The following ZC3H3 variants were observed in gnomAD, a reference collection of about 807,000 sequenced individuals.
ZC3H3 encodes the protein zinc finger CCCH-type containing 3, also known as zinc finger CCCH domain-containing protein 3.
Under a neutral mutation model 77.3 loss-of-function variants are expected in ZC3H3, and 36 were observed. The observed-to-expected ratio is 0.47, with a 90% CI of 0.36 to 0.61. The LOEUF is 0.61. ZC3H3 is among the 20% of genes least tolerant of loss of function. The pLI is 0.00. For missense variants in ZC3H3, 1,331 were observed against 1,312.2 expected, an observed-to-expected ratio of 1.01 and a Z score of -0.22; for synonymous variants, 626 against 555.2, an observed-to-expected ratio of 1.13 and a Z score of -1.79.
chr8:143,475,525 G>A lies in ZC3H3; in HGVS notation c.1776C>T (p.Gly592=). ...VASGGGKAQP[G]SPWWRSKGYR... ...AGCCTTTGCTCCGCCACCAAGGGGAGCCCGGTTGGGCTTTCCCACCCCCGC... is the reference window on the plus strand; with the variant it reads ...AGCCTTTGCTCCGCCACCAAGGGGAACCCGGTTGGGCTTTCCCACCCCCGC... Residue 592 remains glycine, a synonymous_variant, in exon 5 of 12, where the codon GGC becomes GGT. Transcript: ENST00000262577. 1 of 1,611,534 alleles carries A rather than the reference G, an allele frequency of 6.2e-7. No homozygotes were observed. The highest frequency in any genetic ancestry group is 8.5e-7 in the Non-Finnish European group (1 of 1,179,394).
At chr8:143,500,425 GCTGAGCAGAGCATCTGCACACTGC>G (rs1821490233) in intron 4 of ZC3H3, among the ~76,000 whole-genome samples, 1 of 152,262 alleles carries the variant, frequency 6.6e-6, no homozygotes. Context: ...CCTGGGGCTG[GCTGAGCAGAGCATCTGCACACTGC>G]CAGGATGAGG....
chr8:143,484,479 A>G (rs1820995990), intron 4 of ZC3H3: 1 of 155,996 alleles, frequency 6.4e-6, no homozygotes, highest in African/African-American at 2.4e-5. Context: ...CTAATAAACA[A>G]CAAGATGGAA....
chr8:143,497,448 G>A (rs1437562242), intron 4 of ZC3H3, among the ~76,000 whole-genome samples: 5 of 152,192 alleles, frequency 3.3e-5, no homozygotes. Flanking sequence ...AGCCAGGGGG[G>A]CAGCCTGGGG....
intron 4 of ZC3H3, among the ~76,000 whole-genome samples, chr8:143,502,734 C>G (rs1821562845): frequency 6.6e-6 from 1 of 152,230 alleles, no homozygotes; most frequent in Non-Finnish European, 1.5e-5. Flanking sequence ...CTTGCTGGAG[C>G]TGGTGAGGGC....
At chr8:143,532,604 G>A (rs1328511935) in intron 3 of ZC3H3, among the ~76,000 whole-genome samples, 2 of 152,270 alleles carry the variant, frequency 1.3e-5, no homozygotes, top group Non-Finnish European at 2.9e-5. Context: ...TGGCCACCCG[G>A]GAGGGCTGAA....
intron 9 of ZC3H3, among the ~76,000 whole-genome samples, chr8:143,441,385 C>T (rs1409732434): frequency 2.0e-5 from 3 of 152,164 alleles, no homozygotes; most frequent in Admixed American, 2.0e-4. Flanking sequence ...GCTGGGCCAG[C>T]GTGGGGACTC....
chr8:143,505,561 C>T (rs1256036158), intron 4 of ZC3H3, among the ~76,000 whole-genome samples: 1 of 152,196 alleles, frequency 6.6e-6, no homozygotes, highest in Admixed American at 6.5e-5. Flanking sequence ...AGCACCCTCC[C>T]CACTCCACTC....
intron 3 of ZC3H3, among the ~76,000 whole-genome samples, chr8:143,511,706 A>G (rs1821874959): frequency 6.6e-6 from 1 of 152,232 alleles, no homozygotes; most frequent in South Asian, 2.1e-4. Flanking sequence ...AGCATCCACC[A>G]GCCCCTGGGC....
In ZC3H3 at chr8:143,538,342, G is replaced by A. The variant is rs766132882; in HGVS notation, c.1025C>T (p.Ala342Val). Residue 342 changes from alanine (A) to valine (V), a missense_variant, in exon 2 of 12, where the codon GCT (alanine) becomes GTT (valine). Transcript: ENST00000262577. ...VAAENVCKAS[A>V]GMANKVEKPQ... The stretch of plus-strand genomic sequence containing the variant: ...CTTCTCCACCTTGTTTGCCATGCCA[G>A]CAGAGGCCTTGCACACATTCTCTGC... 39 of 1,612,918 alleles carry A rather than the reference G, an allele frequency of 2.4e-5. No individual in the cohort carries two copies. The highest frequency in any genetic ancestry group is 3.2e-5 in the Non-Finnish European group (38 of 1,180,052).
chr8:143,540,548 T>C (rs1822976747), intron 1 of ZC3H3, among the ~76,000 whole-genome samples: 1 of 152,272 alleles, frequency 6.6e-6, no homozygotes, highest in South Asian at 2.1e-4. Flanking sequence ...TCTTTTTAAG[T>C]TTAGAAAGAC....
In ZC3H3 at chr8:143,536,436, T is replaced by G; in HGVS notation, c.1382A>C (p.Lys461Thr). ...RSSTSLPGDK[K>T]SGTSPAATAK... Reference sequence around the variant, plus strand: ...GGTGGCGGCAGGTGAGGTGCCGCTTTTCTTGTCTCCAGGAAGGCTGTGGAG... The same window carrying G: ...GGTGGCGGCAGGTGAGGTGCCGCTTGTCTTGTCTCCAGGAAGGCTGTGGAG... Residue 461 changes from lysine (K) to threonine (T), a missense_variant, in exon 3 of 12, where the codon AAA becomes ACA. By Grantham distance (78) the Lys-to-Thr change is moderately conservative. Transcript: ENST00000262577. The G allele has an allele frequency of 1.3e-6, 2 of 1,526,320 alleles. No homozygotes were observed. The highest frequency in any genetic ancestry group is 2.4e-5 in the South Asian group (2 of 81,972). The allele number at this position is 1,526,320 out of a possible 1,614,324, so 94.5% of individuals were successfully genotyped here.
intron 3 of ZC3H3, among the ~76,000 whole-genome samples, chr8:143,522,182 AC>A (rs1240880166): frequency 6.6e-6 from 1 of 152,234 alleles, no homozygotes; most frequent in African/African-American, 2.4e-5. Flanking sequence ...AGCCTGGCTC[AC>A]TGCAAACGTC....
rs1822692972 is a variant in ZC3H3 at position 143,533,632 on chromosome 8, C to A, written c.1561+2625G>T. Among the ~76,000 whole-genome samples, 1 of 152,110 alleles carries A rather than the reference C, an allele frequency of 6.6e-6. No individual in the cohort carries two copies. Among genetic ancestry groups the A allele is most frequent in the South Asian group, 2.1e-4 (1 of 4,832 alleles). On this transcript the variant is annotated intron_variant, in intron 3 of 11. Coordinates refer to ENST00000262577, the MANE Select transcript of ZC3H3 (RefSeq NM_015117.3). The surrounding 1 kb of genome is among the most constrained non-coding windows in gnomAD (Gnocchi z 4.0). ...CAAGTGAGTGGGACGCCTTCCCCAC[C>A]CCTTCCTCAGACAGGACCCTCTCCT...
intron 3 of ZC3H3, chr8:143,523,414 T>C (rs1822313889): frequency 3.0e-6 from 3 of 985,432 alleles, no homozygotes; most frequent in Non-Finnish European, 3.6e-6. Context: ...GTTTTCCCGG[T>C]GCCCTGTCTG....
In ZC3H3 at chr8:143,508,722, G is replaced by A. The variant is rs558131236; in HGVS notation, c.1562-823C>T. ...TCAGGGGCTGCTGCAAGAGGCCCCC[G>A]CCCCCCTCCACCCCCTTCAGGGTCG... is the stretch of plus-strand genomic sequence containing the variant. On this transcript the variant is annotated intron_variant, in intron 3 of 11. Transcript: ENST00000262577. Among the ~76,000 whole-genome samples the A allele has an allele frequency of 2.5e-3, 331 of 134,708 alleles. 2 individuals are homozygous for A. The highest frequency in any genetic ancestry group is 8.4e-3 in the African/African-American group (304 of 36,238). The allele number at this position is 134,708 out of a possible 152,430, so 88.4% of individuals were successfully genotyped here. A position where few individuals can be genotyped will look rare whatever the true frequency, so the allele number is the denominator to read the frequency against.
chr8:143,446,198 A>G (rs150945328), intron 9 of ZC3H3, among the ~76,000 whole-genome samples: 84 of 152,344 alleles, frequency 5.5e-4, no homozygotes, highest in Admixed American at 1.6e-3. Context: ...TGAAAGTCTC[A>G]ATGTGAAAGG....
chr8:143,467,571 C>T (rs894189830), intron 8 of ZC3H3, among the ~76,000 whole-genome samples: 1 of 152,248 alleles, frequency 6.6e-6, no homozygotes, highest in Non-Finnish European at 1.5e-5. Flanking sequence ...CCCAAGGCAG[C>T]CCTCACTCCA....
At chr8:143,441,602 C>T (rs182730094) in intron 9 of ZC3H3, among the ~76,000 whole-genome samples, 54 of 152,268 alleles carry the variant, frequency 3.5e-4, no homozygotes, top group Middle Eastern at 6.8e-3. Flanking sequence ...GGGCTGGGCA[C>T]GCGATCCCTA....
At chr8:143,492,985 G>T (rs2129973425) in intron 4 of ZC3H3, among the ~76,000 whole-genome samples, 1 of 4,048 alleles carries the variant, frequency 2.5e-4, no homozygotes, top group African/African-American at 1.0e-3. Flanking sequence ...TCCCTCCTCA[G>T]GCTCCCGTGT....
Sources: gnomAD v4.1 joint callset for allele counts (sites outside exome capture counted in the v4.1 genomes callset) on GRCh38, gnomAD v4.1.1 for gene constraint, Gnocchi (gnomAD v3.1) non-coding constraint, MANE v1.5 for transcripts, NCBI Gene and HGNC (gene_info 2026-07-23, HGNC 2026-07-21) for gene names.